The following SLC4A8 variants were observed in gnomAD, a reference collection of about 807,000 sequenced individuals.
The protein encoded by SLC4A8 is solute carrier family 4 member 8.
A neutral mutation model predicts 125.0 loss-of-function variants in SLC4A8; 40 were observed. That is an observed-to-expected ratio of 0.32 (90% CI 0.25 to 0.42). The LOEUF (loss-of-function observed/expected upper bound fraction) is 0.42, where lower values mean the gene tolerates loss of function less well. Among genes scored for constraint, SLC4A8 ranks in the 10% least tolerant of loss-of-function variants. The pLI is 1.00. For synonymous variants in SLC4A8, 456 were observed against 476.0 expected, an observed-to-expected ratio of 0.96 and a Z score of 0.55; for missense variants, 863 against 1,355.1, an observed-to-expected ratio of 0.64 and a Z score of 5.70.
chr12:51,450,910 G>C lies in SLC4A8; in HGVS notation c.165G>C (p.Pro55=), dbSNP rs376513115. ...CTCTGTATGTGGGAGTTCGGATGCC[G>C]CTTGGCCGGCAGAGCCATCGGCATC... ...HRTLYVGVRM[P]LGRQSHRHHR... The change falls in exon 3 of 25, where the codon CCG becomes CCC. Residue 55 remains proline, a synonymous_variant. Transcript: ENST00000453097. 104 of 1,612,430 alleles carry C rather than the reference G, an allele frequency of 6.4e-5. No homozygotes were observed. The East Asian group carries it at 2.2e-3, about 34-fold the overall frequency.
chr12:51,463,316 T>A (rs1414496270), intron 10 of SLC4A8, among the ~76,000 whole-genome samples: 1 of 152,158 alleles, frequency 6.6e-6, no homozygotes, highest in Non-Finnish European at 1.5e-5. Flanking sequence ...AAACTGGAAC[T>A]TAGGTCATAT....
At chr12:51,478,154 A>G (rs7974113) in intron 16 of SLC4A8, among the ~76,000 whole-genome samples, 8,414 of 152,166 alleles carry the variant, frequency 0.055, 711 homozygotes, top group African/African-American at 0.18. Flanking sequence ...GGGCGCCTCT[A>G]GTCCCAGCTA....
At chr12:51,439,173 C>T (rs962899678) in intron 1 of SLC4A8, among the ~76,000 whole-genome samples, 1 of 152,172 alleles carries the variant, frequency 6.6e-6, no homozygotes, top group Non-Finnish European at 1.5e-5. Context: ...TCTCCTGCCT[C>T]AGCCTCCTGA....
chr12:51,459,227 G>C (rs767025150), intron 7 of SLC4A8, among the ~76,000 whole-genome samples: 27 of 152,144 alleles, frequency 1.8e-4, no homozygotes, highest in Admixed American at 3.3e-4. Context: ...TGCTCATAAG[G>C]CTTCCCATTT....
chr12:51,392,296 G>C (rs573298585), intron 1 of SLC4A8, among the ~76,000 whole-genome samples: 1 of 152,290 alleles, frequency 6.6e-6, no homozygotes, highest in South Asian at 2.1e-4. Flanking sequence ...AATTTTGGCC[G>C]GGCGCGGTGG....
In SLC4A8 at chr12:51,424,924, C is replaced by T; in HGVS notation, c.-64C>T. Reference sequence around the variant, plus strand: ...TTCGAGTGATCTGCTCAGACCCGACCAGAGGGCGCGGGCTGCTGATGCTTG... The same window carrying T: ...TTCGAGTGATCTGCTCAGACCCGACTAGAGGGCGCGGGCTGCTGATGCTTG... On this transcript the variant is annotated 5_prime_UTR_variant, in exon 1 of 25. An upstream open reading frame in the 5' UTR gains an earlier in-frame stop. Transcript: ENST00000453097. 6.5e-7 allele frequency: 1 copy of T among 1,529,920 alleles called. No homozygotes were observed. Among genetic ancestry groups the T allele is most frequent in the Non-Finnish European group, 8.9e-7 (1 of 1,128,890 alleles). 94.8% of individuals were successfully genotyped at this position (1,529,920 alleles called of 1,614,324 possible).
intron 1 of SLC4A8, among the ~76,000 whole-genome samples, chr12:51,398,659 G>C (rs1948313432): frequency 6.6e-6 from 1 of 152,124 alleles, no homozygotes; most frequent in African/African-American, 2.4e-5. Context: ...GTAATAAAAG[G>C]GGCTATAAAC....
chr12:51,509,062 A>G lies in SLC4A8; in HGVS notation c.*1624A>G, dbSNP rs1938275421. The stretch of plus-strand genomic sequence containing the variant: ...AGATGATTTTCAAAATATTTTAACA[A>G]CTGGTACAGGACAGATGCCAGCCAC... On this transcript the variant is annotated 3_prime_UTR_variant, in exon 25 of 25. Transcript: ENST00000453097. 6.6e-6 allele frequency: 1 copy of G among 152,644 alleles called. No homozygotes were observed. The highest frequency in any genetic ancestry group is 6.5e-5 in the Admixed American group (1 of 15,282). 9.5% of individuals were successfully genotyped at this position (152,644 alleles called of 1,614,324 possible). A position where few individuals can be genotyped will look rare whatever the true frequency, so the allele number is the denominator to read the frequency against.
chr12:51,462,405 A>T lies in SLC4A8; in HGVS notation c.1197A>T (p.Gly399=). 6.2e-7 allele frequency: 1 copy of T among 1,606,454 alleles called. No individual in the cohort carries two copies. Among genetic ancestry groups the T allele is most frequent in the Non-Finnish European group, 8.5e-7 (1 of 1,177,696 alleles). Residue 399 remains glycine, a synonymous_variant, in exon 10 of 25, where the codon GGA becomes GGT. Transcript: ENST00000453097. ...FLDQVTVLPP[G]EWDPSIRIEP... Reference sequence around the variant, plus strand: ...ACCAGGTGACGGTGCTCCCTCCAGGAGAGTGGGATCCCTCCATTAGAATTG... The same window carrying T: ...ACCAGGTGACGGTGCTCCCTCCAGGTGAGTGGGATCCCTCCATTAGAATTG...
intron 1 of SLC4A8, among the ~76,000 whole-genome samples, chr12:51,429,100 T>G (rs925502018): frequency 2.0e-5 from 3 of 151,846 alleles, no homozygotes; most frequent in Admixed American, 1.3e-4. Context: ...TTAGTAGAGA[T>G]GGGGTTTCAC....
At chr12:51,442,974 CT>C (rs1232863387) in intron 2 of SLC4A8, among the ~76,000 whole-genome samples, 1 of 152,094 alleles carries the variant, frequency 6.6e-6, no homozygotes, top group African/African-American at 2.4e-5. Flanking sequence ...ATATCAGGTT[CT>C]GTGGCTGCAA....
intron 8 of SLC4A8, 133 bp downstream of exon 8, chr12:51,460,241 G>A (rs1950282293): frequency 6.3e-6 from 5 of 796,304 alleles, no homozygotes; most frequent in South Asian, 5.8e-5. Context: ...CAGCAGAAAA[G>A]CCAGATGTGC....
At chr12:51,482,152 A>G (rs2138365898) in intron 16 of SLC4A8, among the ~76,000 whole-genome samples, 1 of 152,256 alleles carries the variant, frequency 6.6e-6, no homozygotes, top group South Asian at 2.1e-4. Flanking sequence ...TGGCTTGCCA[A>G]ATTGAGACTG....
intron 1 of SLC4A8, among the ~76,000 whole-genome samples, chr12:51,418,416 C>G (rs1248610442): frequency 6.6e-6 from 1 of 152,172 alleles, no homozygotes; most frequent in Non-Finnish European, 1.5e-5. Flanking sequence ...AAACAATATA[C>G]AAGTTATAGT....
chr12:51,458,217 T>C (rs948860622), intron 6 of SLC4A8, among the ~76,000 whole-genome samples: 2 of 152,212 alleles, frequency 1.3e-5, no homozygotes, highest in African/African-American at 4.8e-5. Flanking sequence ...TGAATCACCA[T>C]GTGCAGGGGA....
chr12:51,397,020 T>A (rs1376722985), intron 1 of SLC4A8, among the ~76,000 whole-genome samples: 1 of 144,168 alleles, frequency 6.9e-6, no homozygotes, highest in East Asian at 2.1e-4. Flanking sequence ...ACCTCCACCT[T>A]CCAGGTTCAA....
At chr12:51,412,649 T>C (rs1220886198) in intron 1 of SLC4A8, among the ~76,000 whole-genome samples, 3 of 152,234 alleles carry the variant, frequency 2.0e-5, no homozygotes, top group Non-Finnish European at 4.4e-5. Flanking sequence ...ATGAACTTTT[T>C]TAAGCTCCCA....
intron 1 of SLC4A8, 181 bp downstream of exon 1, chr12:51,425,216 C>G: frequency 7.2e-7 from 1 of 1,398,078 alleles, no homozygotes; most frequent in Non-Finnish European, 9.3e-7. Flanking sequence ...GCCAGGGCTG[C>G]GAGAGAGTGA....
chr12:51,486,383 G>T (rs916878526), intron 17 of SLC4A8, among the ~76,000 whole-genome samples: 20 of 152,236 alleles, frequency 1.3e-4, no homozygotes, highest in African/African-American at 4.6e-4. Context: ...ACTGAGAGGA[G>T]CCTCATCAGG....
Sources: gnomAD v4.1 joint callset for allele counts (sites outside exome capture counted in the v4.1 genomes callset) on GRCh38, gnomAD v4.1.1 for gene constraint, MANE v1.5 for transcripts, NCBI Gene and HGNC (gene_info 2026-07-23, HGNC 2026-07-21) for gene names.